Variants in FOXP2 observed in about 807,000 individuals in gnomAD.
FOXP2 encodes the protein forkhead box P2, also known as forkhead box protein P2.
Under a neutral mutation model 115.8 loss-of-function variants are expected in FOXP2, and 12 were observed. That is an observed-to-expected ratio of 0.10 (90% CI 0.07 to 0.17). FOXP2 has a LOEUF of 0.17. Among genes scored for constraint, FOXP2 ranks in the 10% least tolerant of loss-of-function variants. The pLI is 1.00. For synonymous variants in FOXP2, 328 were observed against 297.7 expected (o/e 1.10, Z -1.05); for missense variants, 629 against 843.5 (o/e 0.75, Z 3.15).
chr7:114,507,671 G>C (rs1797887854), intron 2 of FOXP2, among the ~76,000 whole-genome samples: 1 of 151,874 alleles, frequency 6.6e-6, no homozygotes, highest in Non-Finnish European at 1.5e-5. Context: ...AGATAGTGGG[G>C]ACTATGTCCC....
chr7:114,606,752 G>C (rs1272638694), intron 3 of FOXP2, among the ~76,000 whole-genome samples: 2 of 152,094 alleles, frequency 1.3e-5, no homozygotes, highest in Non-Finnish European at 1.5e-5. Context: ...AGAATTTTGG[G>C]AACAGTATAC....
chr7:114,424,450 T>G (rs534030947), intron 1 of FOXP2, among the ~76,000 whole-genome samples: 3 of 151,572 alleles, frequency 2.0e-5, no homozygotes, highest in Admixed American at 1.3e-4. Context: ...AAAGTAAAAT[T>G]TAAATGCAAT....
At chr7:114,320,584 G>T (rs781338569) in intron 2 of FOXP2, among the ~76,000 whole-genome samples, 1 of 152,278 alleles carries the variant, frequency 6.6e-6, no homozygotes, top group East Asian at 1.9e-4. Context: ...ACTCTGTCCT[G>T]TGTGGCAGAT....
intron 2 of FOXP2, among the ~76,000 whole-genome samples, chr7:114,501,585 A>G (rs1393185993): frequency 1.3e-5 from 2 of 152,170 alleles, no homozygotes; most frequent in Non-Finnish European, 2.9e-5. Flanking sequence ...GATAAAGTGT[A>G]TCATGAAAAG....
At chr7:114,438,782 C>A (rs775879290) in intron 2 of FOXP2, among the ~76,000 whole-genome samples, 12 of 152,038 alleles carry the variant, frequency 7.9e-5, no homozygotes, top group Admixed American at 4.6e-4. Context: ...ATCCATATTC[C>A]TAATGCCCTT....
intron 9 of FOXP2, 91 bp from the exon 10 acceptor site, chr7:114,653,835 G>T: frequency 7.5e-7 from 1 of 1,336,676 alleles, no homozygotes; most frequent in Non-Finnish European, 1.1e-6. Context: ...TCATTATTCT[G>T]AGGCAAGCTC....
intron 1 of FOXP2, among the ~76,000 whole-genome samples, chr7:114,284,414 A>T (rs1387095456): frequency 1.3e-5 from 2 of 152,202 alleles, no homozygotes; most frequent in Non-Finnish European, 2.9e-5. Context: ...ATGTGTGTAT[A>T]TAAGAGAACT....
At chr7:114,400,619 G>A (rs1180382363) in intron 2 of FOXP2, among the ~76,000 whole-genome samples, 1 of 152,144 alleles carries the variant, frequency 6.6e-6, no homozygotes, top group Non-Finnish European at 1.5e-5. Flanking sequence ...GTGGGGTCGG[G>A]GGGAATGGCT....
At chr7:114,101,807 G>A (rs912174873) in intron 1 of FOXP2, among the ~76,000 whole-genome samples, 1 of 151,486 alleles carries the variant, frequency 6.6e-6, no homozygotes, top group South Asian at 2.1e-4. Context: ...TGTATACCTG[G>A]ACTTATTTAA....
At chr7:114,164,888 A>G (rs1300223316) in intron 1 of FOXP2, among the ~76,000 whole-genome samples, 3 of 152,178 alleles carry the variant, frequency 2.0e-5, no homozygotes, top group East Asian at 1.9e-4. Flanking sequence ...AGAAATAAGA[A>G]TGAACAAATT....
At chr7:114,125,052 A>C (rs927676858) in intron 1 of FOXP2, among the ~76,000 whole-genome samples, 1 of 152,148 alleles carries the variant, frequency 6.6e-6, no homozygotes, top group Admixed American at 6.6e-5. Flanking sequence ...ATTCTGTGCA[A>C]ATAACCACTA....
intron 6 of FOXP2, among the ~76,000 whole-genome samples, chr7:114,636,052 C>A (rs1219975132): frequency 2.0e-5 from 3 of 152,128 alleles, no homozygotes. Context: ...ATTCACCTCT[C>A]ATTAGACAAG....
rs1399732720 is a variant in FOXP2 at position 114,642,414 on chromosome 7, C to T, written c.780C>T (p.Gly260=). 3 of 1,613,074 alleles carry T rather than the reference C, an allele frequency of 1.9e-6. No individual in the cohort carries two copies. The highest frequency in any genetic ancestry group is 1.7e-5 in the Admixed American group (1 of 59,972). ...AAGCTTTCTTTCATTTTATAGCTGG[C>T]TTAAGTCCTGCTGAGATTCAGCAGT... ...ALPVQSLPQA[G]LSPAEIQQLW... Residue 260 remains glycine, a synonymous_variant, in exon 7 of 17, where the codon GGC becomes GGT. Coordinates refer to ENST00000350908, the MANE Select transcript of FOXP2 (RefSeq NM_014491.4).
At chr7:114,546,969 A>C (rs1034124845) in intron 3 of FOXP2, among the ~76,000 whole-genome samples, 2 of 152,210 alleles carry the variant, frequency 1.3e-5, no homozygotes, top group African/African-American at 4.8e-5. Context: ...GTCCTATAAG[A>C]CTACAGTATC....
intron 2 of FOXP2, among the ~76,000 whole-genome samples, chr7:114,366,145 T>C (rs1448625592): frequency 6.6e-6 from 1 of 152,164 alleles, no homozygotes; most frequent in African/African-American, 2.4e-5. Flanking sequence ...GCATCTTTTT[T>C]GTCCCTTGAG....
chr7:114,662,860 T>C (rs1806949339), intron 14 of FOXP2, among the ~76,000 whole-genome samples: 1 of 152,132 alleles, frequency 6.6e-6, no homozygotes, highest in African/African-American at 2.4e-5. Context: ...ATTAACTCCA[T>C]GTAGAATTTA....
chr7:114,342,710 A>G lies in FOXP2; in HGVS notation c.-11+54601A>G, dbSNP rs1241544316. ...ATTCCTGTCAAAAGCTTGTCCTTTC[A>G]ACAGTCTTCTGTCTTTAACTATATT... is the stretch of plus-strand genomic sequence containing the variant. On this transcript the variant is annotated intron_variant, in intron 2 of 17. Transcript: ENST00000634411. Among the ~76,000 whole-genome samples the G allele has an allele frequency of 2.6e-5, 4 of 151,614 alleles. No individual in the cohort carries two copies. In the East Asian group the frequency reaches 7.7e-4, roughly 29 times the overall value.
intron 2 of FOXP2, among the ~76,000 whole-genome samples, chr7:114,442,553 G>T (rs1366284203): frequency 6.6e-6 from 1 of 152,064 alleles, no homozygotes; most frequent in Non-Finnish European, 1.5e-5. Flanking sequence ...AATTTCCTGG[G>T]CTCAGGTGAT....
In FOXP2 at chr7:114,196,302, G is replaced by A. The variant is rs374116910; in HGVS notation, c.-102+33214G>A. On this transcript the variant is annotated intron_variant, in intron 1 of 17. Transcript: ENST00000634411. Reference sequence around the variant, plus strand: ...TGTGATTATAGGCATGAGCCACCACGCCCAGCCTAAAAATTTTAAAAGGAC... The same window carrying A: ...TGTGATTATAGGCATGAGCCACCACACCCAGCCTAAAAATTTTAAAAGGAC... 9.2e-5 allele frequency among the ~76,000 whole-genome samples: 14 copies of A among 152,146 alleles called. No individual in the cohort carries two copies. In the East Asian group the frequency reaches 2.1e-3, roughly 23 times the overall value.
Sources: gnomAD v4.1 joint callset for allele counts (sites outside exome capture counted in the v4.1 genomes callset) on GRCh38, gnomAD v4.1.1 for gene constraint, MANE v1.5 for transcripts, NCBI Gene and HGNC (gene_info 2026-07-23, HGNC 2026-07-21) for gene names.